Variants in GABRB1 observed in about 807,000 individuals in gnomAD.
GABRB1 encodes the protein gamma-aminobutyric acid receptor subunit beta-1.
In GABRB1, 17 loss-of-function variants were observed where a neutral mutation model predicts 51.6. The observed-to-expected ratio is 0.33, with a 90% CI of 0.23 to 0.49. The LOEUF (loss-of-function observed/expected upper bound fraction) is 0.49, where lower values mean the gene tolerates loss of function less well. Among genes scored for constraint, GABRB1 ranks in the 20% least tolerant of loss-of-function variants. The pLI is 0.99. For missense variants in GABRB1, 410 were observed against 600.6 expected, an observed-to-expected ratio of 0.68 and a Z score of 3.32; for synonymous variants, 247 against 218.9, an observed-to-expected ratio of 1.13 and a Z score of -1.14.
intron 3 of GABRB1, among the ~76,000 whole-genome samples, chr4:47,037,247 C>G (rs1318065229): frequency 6.6e-6 from 1 of 152,174 alleles, no homozygotes; most frequent in Non-Finnish European, 1.5e-5. Flanking sequence ...CACTGAGGAG[C>G]TAGCAATAAC....
At chr4:47,341,751 TG>T (rs1174808625) in intron 5 of GABRB1, among the ~76,000 whole-genome samples, 1 of 152,234 alleles carries the variant, frequency 6.6e-6, no homozygotes, top group Non-Finnish European at 1.5e-5. Flanking sequence ...TTCCTTTCTT[TG>T]TTTAATGAAC....
intron 3 of GABRB1, among the ~76,000 whole-genome samples, chr4:47,071,647 C>CTT (rs751213665): frequency 9.3e-5 from 13 of 139,842 alleles, no homozygotes; most frequent in Admixed American, 2.9e-4. Flanking sequence ...ATTTTTTTTT[C>CTT]TTTTTTTTTT....
At chr4:47,154,149 G>A (rs185591521) in intron 3 of GABRB1, among the ~76,000 whole-genome samples, 176 of 151,914 alleles carry the variant, frequency 1.2e-3, no homozygotes, top group African/African-American at 3.9e-3. Flanking sequence ...TAGACAGAAG[G>A]TTCTATTAGA....
intron 4 of GABRB1, among the ~76,000 whole-genome samples, chr4:47,316,337 G>T (rs147222749): frequency 7.9e-5 from 12 of 151,832 alleles, no homozygotes; most frequent in Middle Eastern, 3.4e-3. Flanking sequence ...TGCAATATTA[G>T]TATTTCTGTG....
intron 3 of GABRB1, among the ~76,000 whole-genome samples, chr4:47,054,591 T>TA (rs985000420): frequency 2.0e-5 from 3 of 151,758 alleles, no homozygotes; most frequent in African/African-American, 7.3e-5. Context: ...GGGCAACATT[T>TA]TTTTTTTTGA....
chr4:47,407,010 T>A, intron 8 of GABRB1, 84 bp downstream of exon 8: 2 of 1,305,290 alleles, frequency 1.5e-6, no homozygotes, highest in Admixed American at 2.3e-5. Flanking sequence ...TTAAAAACGA[T>A]TAATAAAAAA....
chr4:47,401,999 T>C (rs1290585777), intron 5 of GABRB1, among the ~76,000 whole-genome samples: 4 of 152,236 alleles, frequency 2.6e-5, no homozygotes. Flanking sequence ...ATATGCCAAT[T>C]AGTCCCATGT....
intron 3 of GABRB1, among the ~76,000 whole-genome samples, chr4:47,068,790 TAC>T (rs1263963780): frequency 1.3e-5 from 2 of 152,120 alleles, no homozygotes; most frequent in African/African-American, 2.4e-5. Flanking sequence ...CAGAATGTAA[TAC>T]AGAGGCATGA....
chr4:47,035,021 T>C (rs995993945), intron 3 of GABRB1, among the ~76,000 whole-genome samples: 2 of 152,126 alleles, frequency 1.3e-5, no homozygotes, highest in Non-Finnish European at 2.9e-5. Flanking sequence ...ATCATAAAAA[T>C]AGTTTTTAAG....
At chr4:47,006,040 T>C (rs980380701) in intron 1 of GABRB1, among the ~76,000 whole-genome samples, 1 of 151,794 alleles carries the variant, frequency 6.6e-6, no homozygotes, top group African/African-American at 2.4e-5. Flanking sequence ...ATAATTTCTT[T>C]TGTTTTATTT....
chr4:47,151,446 A>C (rs2109717802), intron 3 of GABRB1, among the ~76,000 whole-genome samples: 1 of 152,154 alleles, frequency 6.6e-6, no homozygotes, highest in Admixed American at 6.6e-5. Flanking sequence ...TTTTGATATA[A>C]ACTTGATTTA....
intron 5 of GABRB1, among the ~76,000 whole-genome samples, chr4:47,371,297 A>G (rs1264758642): frequency 6.6e-6 from 1 of 152,192 alleles, no homozygotes; most frequent in Non-Finnish European, 1.5e-5. Context: ...ATAGTATTCC[A>G]TGGTGTATAT....
chr4:47,040,385 T>A (rs1430565178), intron 3 of GABRB1, among the ~76,000 whole-genome samples: 1 of 152,076 alleles, frequency 6.6e-6, no homozygotes, highest in Non-Finnish European at 1.5e-5. Context: ...GTACTTTCCA[T>A]AGGAATAGAC....
rs576292029 is a variant in GABRB1 at position 47,205,627 on chromosome 4, G to A, written c.461+44158G>A. On this transcript the variant is annotated intron_variant, in intron 4 of 8. Coordinates refer to ENST00000295454, the MANE Select transcript of GABRB1 (RefSeq NM_000812.4). Reference sequence around the variant, plus strand: ...TCTCAGATTTTGGTATTGCATTGCCGTGTTGAAGTTTAGTTCAACAGCTAT... The same window carrying A: ...TCTCAGATTTTGGTATTGCATTGCCATGTTGAAGTTTAGTTCAACAGCTAT... 1.9e-4 allele frequency among the ~76,000 whole-genome samples: 29 copies of A among 152,220 alleles called. No individual in the cohort carries two copies. In the South Asian group the frequency reaches 4.1e-3, roughly 22 times the overall value.
intron 4 of GABRB1, among the ~76,000 whole-genome samples, chr4:47,269,935 T>TACACACAC (rs10639386): frequency 0.2 from 27,830 of 135,778 alleles, 3,326 homozygotes; most frequent in East Asian, 0.37. Flanking sequence ...CAACTCTCCC[T>TACACACAC]ACACACACAC....
chr4:47,043,263 A>G (rs1037669743), intron 3 of GABRB1: 1 of 152,080 alleles, frequency 6.6e-6, no homozygotes, highest in African/African-American at 2.4e-5. Flanking sequence ...AAGACTGGAT[A>G]AAAAATTTGG....
chr4:47,134,187 T>A (rs1395226381), intron 3 of GABRB1, among the ~76,000 whole-genome samples: 2 of 152,170 alleles, frequency 1.3e-5, no homozygotes, highest in African/African-American at 2.4e-5. Flanking sequence ...GGCAATTAGT[T>A]GTCTCTAGTT....
intron 4 of GABRB1, among the ~76,000 whole-genome samples, chr4:47,203,824 C>T (rs1234381992): frequency 6.6e-6 from 1 of 152,056 alleles, no homozygotes. Flanking sequence ...CTGGGCAGGA[C>T]AAATGTATGT....
At position 47,105,155 on chromosome 4, in the gene GABRB1, C is replaced by T. The variant is rs187920760; in HGVS notation, c.241-56094C>T. ...TAGATTTTGCTGTTGCTATGAGTAG[C>T]CTCAGTGCATCATTGTCTTTATTTT... On this transcript the variant is annotated intron_variant, in intron 3 of 8. Coordinates refer to ENST00000295454, the MANE Select transcript of GABRB1 (RefSeq NM_000812.4). Among the ~76,000 whole-genome samples, 16 of 152,166 alleles carry T rather than the reference C, an allele frequency of 1.1e-4. No individual in the cohort carries two copies. In the East Asian group the frequency reaches 2.9e-3, roughly 28 times the overall value.
Sources: allele counts gnomAD v4.1 joint callset (sites outside exome capture counted in the v4.1 genomes callset), GRCh38; gene constraint gnomAD v4.1.1; transcripts MANE v1.5; gene names NCBI Gene and HGNC (gene_info 2026-07-23, HGNC 2026-07-21).